Variants in SVOPL observed in about 807,000 individuals in gnomAD.
SVOPL encodes the protein SVOP like.
In SVOPL, 60 loss-of-function variants were observed where a neutral mutation model predicts 61.0. That is an observed-to-expected ratio of 0.98 (90% CI 0.80 to 1.22). SVOPL has a LOEUF of 1.22. Ranked by LOEUF, SVOPL falls within the 50% of genes most tolerant of loss-of-function variation. SVOPL has a pLI of 0.00. For missense variants in SVOPL, 662 were observed against 643.9 expected (o/e 1.03, Z -0.30); for synonymous variants, 279 against 250.0 (o/e 1.12, Z -1.09).
rs550161191 is a variant in SVOPL, at chr7:138,650,309, C to T, written c.535-1172G>A. ...ATTGGGGATGAGGGACAGGGAGGGTCCGGGATGCCTCCTGAGTTTGTGTTC... is the reference window on the plus strand; with the variant it reads ...ATTGGGGATGAGGGACAGGGAGGGTTCGGGATGCCTCCTGAGTTTGTGTTC... On this transcript the variant is annotated intron_variant, in intron 7 of 15. Coordinates refer to ENST00000674285, the MANE Select transcript of SVOPL (RefSeq NM_001139456.2). 9.2e-5 allele frequency among the ~76,000 whole-genome samples: 14 copies of T among 151,996 alleles called. 1 individual carries two copies. The South Asian group carries it at 2.7e-3, about 29-fold the overall frequency.
chr7:138,614,940 G>T (rs1353875402), intron 14 of SVOPL, among the ~76,000 whole-genome samples: 1 of 152,140 alleles, frequency 6.6e-6, no homozygotes, highest in Non-Finnish European at 1.5e-5. Context: ...ACCATGTGAA[G>T]TCTGGCCACA....
chr7:138,657,417 T>C (rs1423688764), intron 6 of SVOPL, among the ~76,000 whole-genome samples: 1 of 152,084 alleles, frequency 6.6e-6, no homozygotes, highest in African/African-American at 2.4e-5. Context: ...GCTGGGATTA[T>C]AGGGGTGAGC....
intron 5 of SVOPL, chr7:138,661,281 A>T: frequency 1.0e-6 from 1 of 985,472 alleles, no homozygotes; most frequent in Non-Finnish European, 1.2e-6. Flanking sequence ...GACTTTGAGC[A>T]CGTAGCTAGT....
chr7:138,613,351 A>T (rs1464921295), intron 14 of SVOPL, among the ~76,000 whole-genome samples: 1 of 152,094 alleles, frequency 6.6e-6, no homozygotes, highest in African/African-American at 2.4e-5. Context: ...AAAACTGATC[A>T]TATCCCTCAC....
At chr7:138,628,029 A>C in intron 11 of SVOPL, 129 bp downstream of exon 11, 1 of 1,070,716 alleles carries the variant, frequency 9.3e-7, no homozygotes, top group Admixed American at 2.2e-5. Context: ...ATTTTTCAGC[A>C]CTACTTGGCA....
At chr7:138,620,145 T>C (rs1799495087) in intron 14 of SVOPL, among the ~76,000 whole-genome samples, 1 of 130,478 alleles carries the variant, frequency 7.7e-6, no homozygotes, top group South Asian at 2.5e-4. Flanking sequence ...TTTTTTGAGA[T>C]AGAGTCTCAC....
chr7:138,596,693 G>A (rs552382382), intron 14 of SVOPL, 163 bp from the exon 15 acceptor site: 18 of 1,354,342 alleles, frequency 1.3e-5, no homozygotes, highest in African/African-American at 8.8e-5. Flanking sequence ...AGCCAATCTG[G>A]TGTAGTCATT....
At chr7:138,655,519 AAAAT>A (rs1180138220) in intron 7 of SVOPL, among the ~76,000 whole-genome samples, 1 of 151,930 alleles carries the variant, frequency 6.6e-6, no homozygotes, top group Non-Finnish European at 1.5e-5. Context: ...AAATAAAATA[AAAAT>A]ATCAGAGCCT....
At chr7:138,683,608 A>T (rs572676596) in intron 1 of SVOPL, among the ~76,000 whole-genome samples, 37 of 152,094 alleles carry the variant, frequency 2.4e-4, no homozygotes, top group African/African-American at 8.4e-4. Flanking sequence ...ACCTTAGGTG[A>T]TCCACCCGCC....
intron 14 of SVOPL, among the ~76,000 whole-genome samples, chr7:138,618,142 A>G (rs1297779992): frequency 2.0e-5 from 3 of 152,226 alleles, no homozygotes; most frequent in Non-Finnish European, 1.5e-5. Context: ...TCGATTGCAC[A>G]GAAATTGATA....
In SVOPL at chr7:138,620,941, G is replaced by C. The variant is rs73465654; in HGVS notation, c.1353+105C>G. 2,221 of 1,050,054 alleles carry C rather than the reference G, an allele frequency of 2.1e-3. 39 individuals are homozygous for C. In the African/African-American group the frequency reaches 0.032, roughly 15 times the overall value. 65.0% of individuals were successfully genotyped at this position (1,050,054 alleles called of 1,614,324 possible). A position where few individuals can be genotyped will look rare whatever the true frequency, so the allele number is the denominator to read the frequency against. ...GAAACGGCACCTCCAGAAAACTCATGAAGTCAACAGAAATCCTCCGTTCTG... is the reference window on the plus strand; with the variant it reads ...GAAACGGCACCTCCAGAAAACTCATCAAGTCAACAGAAATCCTCCGTTCTG... On this transcript the variant is annotated intron_variant, in intron 14 of 15. Transcript: ENST00000674285.
intron 14 of SVOPL, among the ~76,000 whole-genome samples, chr7:138,599,159 C>CAAAAAAAAAAAAAAAA (rs1336279820): frequency 1.2e-5 from 1 of 82,736 alleles, no homozygotes; most frequent in Non-Finnish European, 2.2e-5. Flanking sequence ...AAAAAAAAAC[C>CAAAAAAAAAAAAAAAA]AAAAAAAAAA....
rs138215977 is a variant in SVOPL at position 138,671,226 on chromosome 7, CTATT to C, written c.273+789_273+792del. Among the ~76,000 whole-genome samples the C allele has an allele frequency of 3.7e-4, 57 of 152,290 alleles. 1 individual carries two copies. In the East Asian group the frequency reaches 8.1e-3, roughly 22 times the overall value. ...ACCTCCCATCACTACCCCTTTCTCA[CTATT>C]TAAACAACGTGATACTGCTTGTAGT... On this transcript the variant is annotated intron_variant, in intron 4 of 15. Transcript: ENST00000674285.
chr7:138,678,485 G>T lies in SVOPL; in HGVS notation c.123C>A (p.Ile41=). The T allele has an allele frequency of 1.3e-6, 2 of 1,552,122 alleles. No homozygotes were observed. Among genetic ancestry groups the T allele is most frequent in the Non-Finnish European group, 1.7e-6 (2 of 1,147,090 alleles). The change falls in exon 3 of 16, where the codon ATC becomes ATA. Residue 41 remains isoleucine, a synonymous_variant. Transcript: ENST00000674285. ...TFTVEDAVET[I]GFGRFHIALF... ...GGGCAATGTGGAAACGCCCGAAGCC[G>T]ATAGTCTCCACTGCATCTTCCACGG...
At chr7:138,632,569 A>G (rs1800260572) in intron 9 of SVOPL, among the ~76,000 whole-genome samples, 1 of 151,920 alleles carries the variant, frequency 6.6e-6, no homozygotes, top group African/African-American at 2.4e-5. Context: ...AGGGAAGGTG[A>G]AGAATGGGGG....
intron 4 of SVOPL, among the ~76,000 whole-genome samples, chr7:138,667,634 C>G (rs1393010301): frequency 6.6e-6 from 1 of 152,168 alleles, no homozygotes; most frequent in Non-Finnish European, 1.5e-5. Flanking sequence ...GCTGGCTACC[C>G]ACCTCTTCCT....
rs2117144513 is a variant in SVOPL at position 138,693,540 on chromosome 7, A to AGAAAGAAAGAAAGAAAGAAAGAAG, written c.-35+7637_-35+7638insCTTCTTTCTTTCTTTCTTTCTTTC. Among the ~76,000 whole-genome samples the AGAAAGAAAGAAAGAAAGAAAGAAG allele has an allele frequency of 8.0e-5, 6 of 75,048 alleles. No homozygotes were observed. In the South Asian group the frequency reaches 1.8e-3, roughly 22 times the overall value. 49.2% of individuals were successfully genotyped at this position (75,048 alleles called of 152,430 possible). A position where few individuals can be genotyped will look rare whatever the true frequency, so the allele number is the denominator to read the frequency against. Reference sequence around the variant, plus strand: ...GAAGAAAAGAAAGAAAAAGAAAGAAAGAAAGAAAGAAAGAAAGAAAGAAAG... The same window carrying AGAAAGAAAGAAAGAAAGAAAGAAG: ...GAAGAAAAGAAAGAAAAAGAAAGAAAGAAAGAAAGAAAGAAAGAAAGAAGGAAAGAAAGAAAGAAAGAAAGAAAG... On this transcript the variant is annotated intron_variant, in intron 1 of 15. Transcript: ENST00000674285.
rs770732116 is a variant in SVOPL, at chr7:138,628,165, T to C, written c.1062A>G (p.Glu354=). 1.2e-6 allele frequency: 2 copies of C among 1,613,916 alleles called. No homozygotes were observed. The highest frequency in any genetic ancestry group is 2.2e-5 in the South Asian group (2 of 91,054). Residue 354 remains glutamate, a synonymous_variant, in exon 11 of 16, where the codon GAA becomes GAG. Coordinates refer to ENST00000674285, the MANE Select transcript of SVOPL (RefSeq NM_001139456.2). ...ACGCAGAGGGACACTTACAAGCAAT[T>C]TCACCGATGGTGCTGATGATCATGG... ...YRTMIISTIG[E]IALNPLNILG...
At chr7:138,674,005 C>G (rs1273107814) in intron 3 of SVOPL, among the ~76,000 whole-genome samples, 2 of 150,878 alleles carry the variant, frequency 1.3e-5, no homozygotes, top group African/African-American at 2.4e-5. Context: ...GCCAACATGG[C>G]AAAACCCTGT....
Sources: allele counts gnomAD v4.1 joint callset (sites outside exome capture counted in the v4.1 genomes callset), GRCh38; gene constraint gnomAD v4.1.1; transcripts MANE v1.5; gene names NCBI Gene and HGNC (gene_info 2026-07-23, HGNC 2026-07-21).